The following CERS3 variants were observed in gnomAD, a reference collection of about 807,000 sequenced individuals.
The protein encoded by CERS3 is ceramide synthase 3, also known as LAG1 homolog, ceramide synthase 3.
A neutral mutation model predicts 50.3 loss-of-function variants in CERS3; 33 were observed. The observed-to-expected ratio is 0.66, with a 90% CI of 0.50 to 0.88. The LOEUF (loss-of-function observed/expected upper bound fraction) is 0.88. Ranked by LOEUF, CERS3 falls within the 40% of genes least tolerant of loss-of-function variation. CERS3 has a pLI of 0.00. For missense variants in CERS3, 470 were observed against 460.3 expected, an observed-to-expected ratio of 1.02 and a Z score of -0.19; for synonymous variants, 176 against 155.2, an observed-to-expected ratio of 1.13 and a Z score of -0.99.
intron 11 of CERS3, among the ~76,000 whole-genome samples, chr15:100,455,267 T>C (rs548033801): frequency 4.6e-5 from 7 of 150,982 alleles, no homozygotes; most frequent in Non-Finnish European, 8.9e-5. Flanking sequence ...AAAAAAACAA[T>C]ATACCAAAGA....
chr15:100,428,628 C>T (rs1037851701), intron 11 of CERS3, among the ~76,000 whole-genome samples: 14 of 152,214 alleles, frequency 9.2e-5, no homozygotes, highest in Admixed American at 1.3e-4. Flanking sequence ...CAAAACTGCT[C>T]CAGTTGAGAA....
intron 2 of CERS3, among the ~76,000 whole-genome samples, chr15:100,509,028 C>T (rs908009097): frequency 1.6e-4 from 25 of 152,202 alleles, no homozygotes; most frequent in Non-Finnish European, 2.9e-4. Context: ...GATGAGGCAT[C>T]TCAGCCCCAG....
Position 100,402,741 on chromosome 15 carries a change from A to C in CERS3, c.1124T>G (p.Leu375Arg). Residue 375 changes from leucine (L) to arginine (R), a missense_variant, in exon 12 of 12, where the codon CTC (leucine) becomes CGC (arginine). Coordinates refer to ENST00000679737, the MANE Select transcript of CERS3 (RefSeq NM_001378789.1). ...ATGGCCATGCTGGCCATTGGGAATGAGGTGCCTCTCAGCCCTGAGGCCGTT... is the reference window on the plus strand; with the variant it reads ...ATGGCCATGCTGGCCATTGGGAATGCGGTGCCTCTCAGCCCTGAGGCCGTT... ...LKNGLRAERH[L>R]IPNGQHGH The C allele has an allele frequency of 6.2e-7, 1 of 1,614,172 alleles. No individual in the cohort carries two copies. Among genetic ancestry groups the C allele is most frequent in the Non-Finnish European group, 8.5e-7 (1 of 1,180,024 alleles).
intron 8 of CERS3, 100 bp from the exon 9 acceptor site, chr15:100,473,152 C>T (rs2035022732): frequency 6.3e-6 from 8 of 1,266,532 alleles, no homozygotes; most frequent in Non-Finnish European, 7.6e-6. Flanking sequence ...TAACTTACAT[C>T]TGCATGTTTT....
intron 11 of CERS3, among the ~76,000 whole-genome samples, chr15:100,419,672 A>C (rs1383603889): frequency 3.3e-5 from 5 of 151,882 alleles, no homozygotes; most frequent in Non-Finnish European, 7.3e-5. Context: ...AATTGAGCAC[A>C]TACTGGGAAG....
At chr15:100,472,800 T>G in intron 9 of CERS3, 124 bp downstream of exon 9, 2 of 1,064,816 alleles carry the variant, frequency 1.9e-6, no homozygotes, top group Non-Finnish European at 2.9e-6. Flanking sequence ...TCTAGAGATA[T>G]TCTCAGAATT....
chr15:100,478,880 T>G (rs1325513061), intron 7 of CERS3, among the ~76,000 whole-genome samples: 1 of 152,122 alleles, frequency 6.6e-6, no homozygotes, highest in Non-Finnish European at 1.5e-5. Context: ...AAGGGTAACT[T>G]GACCGATTTA....
intron 11 of CERS3, among the ~76,000 whole-genome samples, chr15:100,420,246 G>C (rs1291086170): frequency 6.9e-6 from 1 of 144,534 alleles, no homozygotes; most frequent in African/African-American, 2.6e-5. Context: ...TGATAAAGGG[G>C]ATATCACCAC....
chr15:100,494,988 T>C lies in CERS3; in HGVS notation c.174-4057A>G, dbSNP rs112468213. ...TGTTTGCCCTAATTGTTATCCACTG[T>C]CTTAGACAGTTATGAAGTTAATCAA... On this transcript the variant is annotated intron_variant, in intron 3 of 11. Coordinates refer to ENST00000679737, the MANE Select transcript of CERS3 (RefSeq NM_001378789.1). 1.7e-3 allele frequency among the ~76,000 whole-genome samples: 262 copies of C among 152,370 alleles called. 1 individual carries two copies. The highest frequency in any genetic ancestry group is 5.7e-3 in the African/African-American group (237 of 41,598).
intron 11 of CERS3, among the ~76,000 whole-genome samples, chr15:100,408,416 C>T (rs1380235084): frequency 6.6e-6 from 1 of 152,150 alleles, no homozygotes; most frequent in Non-Finnish European, 1.5e-5. Flanking sequence ...ACAGCACTGG[C>T]CAACTTCATG....
intron 11 of CERS3, among the ~76,000 whole-genome samples, chr15:100,445,012 A>G (rs570817779): frequency 0.03 from 4,580 of 151,994 alleles, 96 homozygotes; most frequent in Admixed American, 0.064. Context: ...GAAAGGTAGA[A>G]CGGACTAATG....
At chr15:100,467,755 CTCT>C (rs1567639641) in intron 10 of CERS3, among the ~76,000 whole-genome samples, 4 of 118,914 alleles carry the variant, frequency 3.4e-5, no homozygotes, top group Non-Finnish European at 7.1e-5. Context: ...TTCTCTCTCT[CTCT>C]CTCTCTCTCT....
rs1267906519 is a variant in CERS3, at chr15:100,483,781, A to ATTTTTTTTTTTT, written c.407+768_407+769insAAAAAAAAAAAA. ...AGGATCAATAATAATAATAATTATT[A>ATTTTTTTTTTTT]TTATTATTTTTTTTTTTGAGACAGA... On this transcript the variant is annotated intron_variant, in intron 5 of 11. Transcript: ENST00000679737. Among the ~76,000 whole-genome samples, 87 of 77,574 alleles carry ATTTTTTTTTTTT rather than the reference A, an allele frequency of 1.1e-3. 12 individuals carry two copies. Among genetic ancestry groups the ATTTTTTTTTTTT allele is most frequent in the East Asian group, 7.2e-3 (20 of 2,766 alleles). The allele number at this position is 77,574 out of a possible 152,430, so 50.9% of individuals were successfully genotyped here. A position where few individuals can be genotyped will look rare whatever the true frequency, so the allele number is the denominator to read the frequency against.
chr15:100,543,491 C>CTTCT (rs1429042797), intron 1 of CERS3, among the ~76,000 whole-genome samples: 2 of 146,814 alleles, frequency 1.4e-5, no homozygotes, highest in East Asian at 1.9e-4. Context: ...GGCTTCCTTC[C>CTTCT]TTCCTTCCTT....
intron 5 of CERS3, among the ~76,000 whole-genome samples, chr15:100,482,610 TTAA>T (rs757451523): frequency 1.5e-5 from 2 of 136,386 alleles, no homozygotes; most frequent in South Asian, 2.5e-4. Context: ...TTTTTTTTTT[TTAA>T]AAAAAAGGGC....
At chr15:100,461,295 C>T (rs2034542477) in intron 10 of CERS3, among the ~76,000 whole-genome samples, 1 of 152,138 alleles carries the variant, frequency 6.6e-6, no homozygotes, top group African/African-American at 2.4e-5. Flanking sequence ...CCAGGAGACA[C>T]ACAGCCAGCT....
upstream of CERS3, among the ~76,000 whole-genome samples, chr15:100,530,818 C>T (rs2036919513): frequency 6.6e-6 from 1 of 152,212 alleles, no homozygotes; most frequent in Non-Finnish European, 1.5e-5. Context: ...AACAGTGGCT[C>T]ACACCTGTAA....
chr15:100,532,552 G>A (rs11247216), upstream of CERS3, among the ~76,000 whole-genome samples: 62,381 of 151,598 alleles, frequency 0.41, 13,464 homozygotes, highest in South Asian at 0.46. Flanking sequence ...GATTGCTTGC[G>A]TCCAAGAGTT....
chr15:100,540,994 A>C (rs1440401883), intron 1 of CERS3, among the ~76,000 whole-genome samples: 1 of 152,182 alleles, frequency 6.6e-6, no homozygotes, highest in African/African-American at 2.4e-5. Context: ...AAAAATAGAG[A>C]AATCGCAGTG....
Sources: allele counts gnomAD v4.1 joint callset (sites outside exome capture counted in the v4.1 genomes callset), GRCh38; gene constraint gnomAD v4.1.1; transcripts MANE v1.5; gene names NCBI Gene and HGNC (gene_info 2026-07-23, HGNC 2026-07-21).